Variants in DAB1 observed in about 807,000 individuals in gnomAD.
DAB1 encodes disabled homolog 1.
In DAB1, 15 loss-of-function variants were observed where a neutral mutation model predicts 64.6. That is an observed-to-expected ratio of 0.23 (90% CI 0.16 to 0.36). The LOEUF (loss-of-function observed/expected upper bound fraction) is 0.36. Ranked by LOEUF, DAB1 falls within the 10% of genes least tolerant of loss-of-function variation. The probability of loss-of-function intolerance (pLI) is 1.00; values close to 1 mark genes in which losing one functional copy is unlikely to be tolerated. For missense variants in DAB1, 596 were observed against 706.7 expected, an observed-to-expected ratio of 0.84 and a Z score of 1.78; for synonymous variants, 235 against 251.9, an observed-to-expected ratio of 0.93 and a Z score of 0.64.
At chr1:57,535,717 C>T (rs1570604978) in intron 7 of DAB1, among the ~76,000 whole-genome samples, 1 of 152,104 alleles carries the variant, frequency 6.6e-6, no homozygotes, top group African/African-American at 2.4e-5. Context: ...GCCTCAGCCT[C>T]CCAAAGTGCT....
chr1:58,135,748 C>T (rs1035704317), intron 5 of DAB1, among the ~76,000 whole-genome samples: 1 of 152,104 alleles, frequency 6.6e-6, no homozygotes, highest in African/African-American at 2.4e-5. Flanking sequence ...ATTTTGGACA[C>T]TGTTAAGGGA....
intron 3 of DAB1, among the ~76,000 whole-genome samples, chr1:58,454,187 G>A (rs1457960947): frequency 1.3e-5 from 2 of 152,150 alleles, no homozygotes; most frequent in Admixed American, 1.3e-4. Context: ...AATGGCCTAT[G>A]AGCTGCTCCA....
chr1:57,974,913 G>A (rs564830354), intron 5 of DAB1, among the ~76,000 whole-genome samples: 10 of 152,138 alleles, frequency 6.6e-5, no homozygotes, highest in Non-Finnish European at 5.9e-5. Context: ...CTTTATGCCA[G>A]GTACTGCAAC....
At chr1:57,891,833 C>T (rs186226883) in intron 5 of DAB1, among the ~76,000 whole-genome samples, 5 of 151,728 alleles carry the variant, frequency 3.3e-5, no homozygotes, top group South Asian at 2.1e-4. Flanking sequence ...CATCACACAC[C>T]GGGGCCTGTC....
chr1:58,418,802 C>T (rs1056053817), intron 3 of DAB1, among the ~76,000 whole-genome samples: 3 of 152,014 alleles, frequency 2.0e-5, no homozygotes, highest in Admixed American at 2.0e-4. Context: ...ACATAAGTTG[C>T]AAGAGGGATA....
At chr1:58,453,362 T>G (rs551243079) in intron 3 of DAB1, among the ~76,000 whole-genome samples, 17 of 152,318 alleles carry the variant, frequency 1.1e-4, no homozygotes, top group Admixed American at 7.8e-4. Flanking sequence ...TGACTGCATG[T>G]AAGCTCATAT....
At chr1:57,390,149 A>C (rs1396599662) in intron 1 of DAB1, among the ~76,000 whole-genome samples, 4 of 152,236 alleles carry the variant, frequency 2.6e-5, no homozygotes, top group Admixed American at 2.6e-4. Flanking sequence ...CAGACAAAGA[A>C]GGTTTTGGCC....
chr1:58,462,902 T>G (rs1463112196), intron 3 of DAB1: 1 of 152,204 alleles, frequency 6.6e-6, no homozygotes, highest in African/African-American at 2.4e-5. Flanking sequence ...TAGTAGGAAT[T>G]CAGGGACAAC....
chr1:57,098,393 A>G (rs1654365019), intron 4 of DAB1, among the ~76,000 whole-genome samples: 3 of 152,200 alleles, frequency 2.0e-5, no homozygotes, highest in Admixed American at 1.3e-4. Context: ...AGGTCACACA[A>G]CTCATAAGGG....
chr1:57,845,368 G>A (rs757632200), intron 1 of DAB1, among the ~76,000 whole-genome samples: 12 of 152,226 alleles, frequency 7.9e-5, no homozygotes, highest in Admixed American at 6.5e-5. Context: ...AAGAATTATG[G>A]GGAAAAAGTG....
intron 1 of DAB1, among the ~76,000 whole-genome samples, chr1:57,851,223 T>G (rs761084348): frequency 7.9e-5 from 12 of 152,224 alleles, no homozygotes; most frequent in Admixed American, 2.6e-4. Context: ...TTTGCATATA[T>G]CTACATAGGT....
At chr1:57,719,185 T>C (rs1334845637) in intron 6 of DAB1, among the ~76,000 whole-genome samples, 1 of 152,238 alleles carries the variant, frequency 6.6e-6, no homozygotes, top group Non-Finnish European at 1.5e-5. Context: ...ACAATGCTTT[T>C]TAATTAATTT....
chr1:57,139,941 GA>G (rs1221178081), intron 3 of DAB1, among the ~76,000 whole-genome samples: 4 of 152,112 alleles, frequency 2.6e-5, no homozygotes, highest in African/African-American at 9.7e-5. Flanking sequence ...TATCTTTGGG[GA>G]AAGAAAAGTC....
intron 1 of DAB1, among the ~76,000 whole-genome samples, chr1:57,841,086 G>A (rs1653027895): frequency 6.6e-6 from 1 of 152,186 alleles, no homozygotes; most frequent in African/African-American, 2.4e-5. Context: ...TTGGGTAGAT[G>A]GGAGAAACTG....
intron 7 of DAB1, among the ~76,000 whole-genome samples, chr1:57,525,952 T>C (rs1644587937): frequency 6.6e-6 from 1 of 151,804 alleles, no homozygotes; most frequent in Admixed American, 6.6e-5. Flanking sequence ...TTTTTTTTTT[T>C]TTTGAGACGG....
At chr1:57,546,912 G>A (rs1230537927) in intron 7 of DAB1, among the ~76,000 whole-genome samples, 1 of 152,130 alleles carries the variant, frequency 6.6e-6, no homozygotes, top group Non-Finnish European at 1.5e-5. Context: ...ATAGTGATGG[G>A]AGATTATGGG....
intron 6 of DAB1, among the ~76,000 whole-genome samples, chr1:57,762,603 G>A (rs1044399183): frequency 1.3e-5 from 2 of 152,088 alleles, no homozygotes; most frequent in African/African-American, 4.8e-5. Context: ...CATCAACTTA[G>A]ATTAAAAATA....
chr1:57,444,396 A>G (rs1035772132), intron 7 of DAB1, among the ~76,000 whole-genome samples: 18 of 152,136 alleles, frequency 1.2e-4, no homozygotes, highest in African/African-American at 4.3e-4. Context: ...ATTTCCCCCA[A>G]TAGATTATAA....
At chr1:57,413,053 C>T (rs76271490) in intron 1 of DAB1, among the ~76,000 whole-genome samples, 13,907 of 152,080 alleles carry the variant, frequency 0.091, 685 homozygotes, top group Middle Eastern at 0.12. Flanking sequence ...AATTCTAGGG[C>T]CCTTAAGAAT....
Sources: allele counts gnomAD v4.1 joint callset (sites outside exome capture counted in the v4.1 genomes callset), GRCh38; gene constraint gnomAD v4.1.1; transcripts MANE v1.5; gene names NCBI Gene and HGNC (gene_info 2026-07-23, HGNC 2026-07-21).